KLHL32: variants seen among roughly 807,000 people sequenced by gnomAD.
KLHL32 encodes kelch like family member 32.
In KLHL32, 35 loss-of-function variants were observed where a neutral mutation model predicts 64.8. The ratio of observed to expected loss-of-function variants is 0.54; its 90% CI spans 0.41 to 0.72. The LOEUF (loss-of-function observed/expected upper bound fraction) is 0.72, where lower values mean the gene tolerates loss of function less well. KLHL32 is among the 30% of genes least tolerant of loss of function. The pLI, the probability that KLHL32 is intolerant of heterozygous loss-of-function variation, is 0.00. For synonymous variants in KLHL32, 259 were observed against 281.0 expected, an observed-to-expected ratio of 0.92 and a Z score of 0.78; for missense variants, 589 against 768.5, an observed-to-expected ratio of 0.77 and a Z score of 2.76.
chr6:97,019,200 A>G (rs1280214845), intron 3 of KLHL32, among the ~76,000 whole-genome samples: 1 of 152,264 alleles, frequency 6.6e-6, no homozygotes, highest in East Asian at 1.9e-4. Context: ...TGAATACCAG[A>G]AAAAAGCAGC....
intron 3 of KLHL32, among the ~76,000 whole-genome samples, chr6:96,993,036 G>C (rs933648056): frequency 8.5e-5 from 13 of 152,226 alleles, no homozygotes; most frequent in African/African-American, 3.1e-4. Flanking sequence ...TAAAGTTGGA[G>C]CAGTTGGCAC....
At position 96,987,502 on chromosome 6, in the gene KLHL32, A is replaced by G. The variant is rs1435207944; in HGVS notation, c.204+11325A>G. 2.0e-5 allele frequency among the ~76,000 whole-genome samples: 3 copies of G among 152,218 alleles called. No individual in the cohort carries two copies. In the East Asian group the frequency reaches 5.8e-4, roughly 29 times the overall value. On this transcript the variant is annotated intron_variant, in intron 3 of 10. Coordinates refer to ENST00000369261, the MANE Select transcript of KLHL32 (RefSeq NM_052904.4). ...TCCATGCTTATGGGTAGGAAGAATCAATATCATGAAAATGGCCATACTGCC... is the reference window on the plus strand; with the variant it reads ...TCCATGCTTATGGGTAGGAAGAATCGATATCATGAAAATGGCCATACTGCC...
chr6:97,033,327 C>T (rs1783845865), intron 3 of KLHL32, among the ~76,000 whole-genome samples: 1 of 152,136 alleles, frequency 6.6e-6, no homozygotes. Context: ...CGTCCAAGTT[C>T]ATCCATATTG....
intron 4 of KLHL32, among the ~76,000 whole-genome samples, chr6:97,058,948 C>T (rs572282978): frequency 2.2e-4 from 34 of 152,280 alleles, no homozygotes; most frequent in African/African-American, 7.9e-4. Flanking sequence ...TCTTTTGGTC[C>T]TTAAAACAGT....
At chr6:96,965,558 G>T (rs1174401909) in intron 1 of KLHL32, among the ~76,000 whole-genome samples, 1 of 152,158 alleles carries the variant, frequency 6.6e-6, no homozygotes, top group African/African-American at 2.4e-5. Flanking sequence ...CTTTCAGAAA[G>T]ATTAAGGTGT....
chr6:97,055,806 A>AAAAAAAAAC (rs1787746574), intron 4 of KLHL32, among the ~76,000 whole-genome samples: 1 of 145,120 alleles, frequency 6.9e-6, no homozygotes, highest in African/African-American at 2.6e-5. Flanking sequence ...TAAAAAAAAA[A>AAAAAAAAAC]AAAAAAAAAA....
At chr6:96,936,441 G>C (rs1770609345) in intron 1 of KLHL32, among the ~76,000 whole-genome samples, 1 of 152,086 alleles carries the variant, frequency 6.6e-6, no homozygotes. Flanking sequence ...CTCATCCAGA[G>C]CCTCTCCATT....
At chr6:97,034,583 G>A (rs562082577) in intron 3 of KLHL32, among the ~76,000 whole-genome samples, 1 of 151,904 alleles carries the variant, frequency 6.6e-6, no homozygotes, top group African/African-American at 2.4e-5. Flanking sequence ...TGTGTTGAAT[G>A]TATAGATCAT....
intron 10 of KLHL32, among the ~76,000 whole-genome samples, chr6:97,136,742 C>T (rs1800066548): frequency 6.6e-6 from 1 of 152,208 alleles, no homozygotes; most frequent in South Asian, 2.1e-4. Flanking sequence ...AGCCAGTTTA[C>T]AGGGGAGTGT....
At chr6:96,948,886 G>A (rs533841050) in intron 1 of KLHL32, among the ~76,000 whole-genome samples, 16 of 152,228 alleles carry the variant, frequency 1.1e-4, no homozygotes, top group African/African-American at 3.6e-4. Context: ...TCTGACTCAT[G>A]CGAAAAAGTC....
intron 3 of KLHL32, among the ~76,000 whole-genome samples, chr6:97,008,232 G>A (rs142788796): frequency 3.2e-4 from 48 of 152,108 alleles, no homozygotes; most frequent in South Asian, 1.0e-3. Flanking sequence ...TGTTTCAGCC[G>A]GTTCCAGTGC....
chr6:97,064,358 CA>C (rs1177763914), intron 4 of KLHL32, among the ~76,000 whole-genome samples: 1 of 151,980 alleles, frequency 6.6e-6, no homozygotes, highest in Non-Finnish European at 1.5e-5. Context: ...TACCCTTCTA[CA>C]AAAAAATAAG....
intron 3 of KLHL32, among the ~76,000 whole-genome samples, chr6:97,002,730 G>C (rs1183531893): frequency 1.3e-5 from 2 of 152,114 alleles, no homozygotes; most frequent in Non-Finnish European, 2.9e-5. Flanking sequence ...GCAGTATTTG[G>C]TTTTCTGTTC....
intron 3 of KLHL32, among the ~76,000 whole-genome samples, chr6:97,016,792 A>T (rs1781263065): frequency 6.6e-6 from 1 of 152,054 alleles, no homozygotes; most frequent in Admixed American, 6.6e-5. Flanking sequence ...CCTGGGAGGG[A>T]CCTGGTGTGA....
intron 2 of KLHL32, among the ~76,000 whole-genome samples, chr6:96,969,961 A>G (rs1289167283): frequency 2.0e-5 from 3 of 152,138 alleles, no homozygotes; most frequent in African/African-American, 7.2e-5. Context: ...ATTCTCTTTC[A>G]TTTGTTTCCT....
At chr6:96,904,410 A>T in the KLHL32 span, among the ~76,000 whole-genome samples, 1 of 151,940 alleles carries the variant, frequency 6.6e-6, no homozygotes, top group South Asian at 2.1e-4. Context: ...ATGGATGATG[A>T]CCACAAAAAT....
chr6:97,001,214 A>G (rs937011113), intron 3 of KLHL32, among the ~76,000 whole-genome samples: 3 of 152,194 alleles, frequency 2.0e-5, no homozygotes, highest in African/African-American at 7.2e-5. Context: ...TGGTTCAGCA[A>G]TTTTACCATA....
chr6:96,953,792 T>C lies in KLHL32; in HGVS notation c.-65-13204T>C, dbSNP rs544334575. On this transcript the variant is annotated intron_variant, in intron 1 of 10. Coordinates refer to ENST00000369261, the MANE Select transcript of KLHL32 (RefSeq NM_052904.4). Reference sequence around the variant, plus strand: ...GTTATGACAATCTAAATGTTATTTATATAATCAAACCATGATTACTTTTCC... The same window carrying C: ...GTTATGACAATCTAAATGTTATTTACATAATCAAACCATGATTACTTTTCC... 7.6e-5 allele frequency among the ~76,000 whole-genome samples: 7 copies of C among 92,648 alleles called. No homozygotes were observed. The South Asian group carries it at 2.3e-3, about 30-fold the overall frequency. The allele number at this position is 92,648 out of a possible 152,430, so 60.8% of individuals were successfully genotyped here. A position where few individuals can be genotyped will look rare whatever the true frequency, so the allele number is the denominator to read the frequency against.
At chr6:97,126,136 C>T (rs537713006) in intron 7 of KLHL32, among the ~76,000 whole-genome samples, 2 of 152,020 alleles carry the variant, frequency 1.3e-5, no homozygotes, top group East Asian at 1.9e-4. Context: ...TTTTTTTAGT[C>T]GGGCTTAATT....
Sources: gnomAD v4.1 joint callset for allele counts (sites outside exome capture counted in the v4.1 genomes callset) on GRCh38, gnomAD v4.1.1 for gene constraint, MANE v1.5 for transcripts, NCBI Gene and HGNC (gene_info 2026-07-23, HGNC 2026-07-21) for gene names.